The following LRP12 variants were observed in gnomAD, a reference collection of about 807,000 sequenced individuals.
LRP12 encodes LDL receptor related protein 12, also known as low-density lipoprotein receptor-related protein 12.
LRP12 carries 14 observed loss-of-function variants against 66.0 expected under a neutral mutation model. The ratio of observed to expected loss-of-function variants is 0.21; its 90% CI spans 0.14 to 0.33. The LOEUF is 0.33. LRP12 is among the 10% of genes least tolerant of loss of function. LRP12 has a pLI of 1.00. For synonymous variants in LRP12, 357 were observed against 359.1 expected (o/e 0.99, Z 0.07); for missense variants, 889 against 1,053.4 (o/e 0.84, Z 2.16).
intron 2 of LRP12, among the ~76,000 whole-genome samples, chr8:104,510,579 T>A (rs1810977119): frequency 6.6e-6 from 1 of 152,222 alleles, no homozygotes; most frequent in East Asian, 1.9e-4. Flanking sequence ...ACGTGATGTT[T>A]AAGCCTTTAG....
chr8:104,568,351 C>A (rs1306646512), intron 1 of LRP12, among the ~76,000 whole-genome samples: 1 of 152,092 alleles, frequency 6.6e-6, no homozygotes, highest in Non-Finnish European at 1.5e-5. Flanking sequence ...GAGTAAACCC[C>A]TATGACCTTG....
At chr8:104,499,028 C>T (rs1303995218) in intron 4 of LRP12, among the ~76,000 whole-genome samples, 1 of 152,022 alleles carries the variant, frequency 6.6e-6, no homozygotes, top group Non-Finnish European at 1.5e-5. Flanking sequence ...TCTGGATATG[C>T]GTAAGCACTT....
intron 1 of LRP12, among the ~76,000 whole-genome samples, chr8:104,538,114 C>A (rs927808353): frequency 6.6e-6 from 1 of 152,116 alleles, no homozygotes; most frequent in African/African-American, 2.4e-5. Context: ...AAATGGAATA[C>A]GATGATAGGC....
At chr8:104,587,649 A>C (rs187465877) in intron 1 of LRP12, among the ~76,000 whole-genome samples, 52 of 152,340 alleles carry the variant, frequency 3.4e-4, no homozygotes, top group African/African-American at 1.2e-3. Context: ...CAGGTTTCAA[A>C]AGCCACCATC....
At chr8:104,563,459 T>C (rs1811946689) in intron 1 of LRP12, among the ~76,000 whole-genome samples, 1 of 152,122 alleles carries the variant, frequency 6.6e-6, no homozygotes, top group Non-Finnish European at 1.5e-5. Context: ...AATAATGATA[T>C]GTCATTATAT....
rs1398832638 is a variant in LRP12 at position 104,589,055 on chromosome 8, C to T, written c.-158G>A. 1 of 334,990 alleles carries T rather than the reference C, an allele frequency of 3.0e-6. No homozygotes were observed. Among genetic ancestry groups the T allele is most frequent in the Non-Finnish European group, 5.3e-6 (1 of 189,276 alleles). The allele number at this position is 334,990 out of a possible 1,614,324, so 20.8% of individuals were successfully genotyped here. ...GCTGCGGGAGGGGGAAGGGAGGGGC[C>T]GCCGCCGCCCGCGCGCGCTCCCTCC... On this transcript the variant is annotated 5_prime_UTR_variant, in exon 1 of 7. Transcript: ENST00000276654.
At chr8:104,528,924 G>A (rs993183866) in intron 2 of LRP12, among the ~76,000 whole-genome samples, 14 of 152,216 alleles carry the variant, frequency 9.2e-5, no homozygotes, top group African/African-American at 3.1e-4. Flanking sequence ...TTTGTAAGAT[G>A]AGACTTTAGA....
rs759252004 is a variant in LRP12, at chr8:104,491,013, G to A, written c.2240C>T (p.Ser747Leu). Residue 747 changes from serine to leucine, a missense_variant, in exon 7 of 7, where the codon TCA becomes TTA. This residue lies in a region of LRP12 where 800 missense variants were observed against 964.5 expected (regional missense o/e 0.83). Coordinates refer to ENST00000276654, the MANE Select transcript of LRP12 (RefSeq NM_013437.5). ...ACTCTGGTTCTGACTTAGGGAACTT[G>A]ATCGTCCTAATGTAAAACGTACCCA... ...LRWVRFTLGR[S>L]SSLSQNQSPL... 2.5e-6 allele frequency: 4 copies of A among 1,613,982 alleles called. No homozygotes were observed. The African/African-American group carries it at 5.3e-5, about 22-fold the overall frequency.
intron 3 of LRP12, among the ~76,000 whole-genome samples, chr8:104,500,207 T>C (rs2046986672): frequency 6.6e-6 from 1 of 152,114 alleles, no homozygotes; most frequent in African/African-American, 2.4e-5. Flanking sequence ...GAAACCAAAA[T>C]ACAGTTTTAC....
chr8:104,553,486 G>A (rs1811758107), intron 1 of LRP12, among the ~76,000 whole-genome samples: 1 of 152,112 alleles, frequency 6.6e-6, no homozygotes. Flanking sequence ...CCACTTCCCT[G>A]GCGACCTGTA....
intron 1 of LRP12, among the ~76,000 whole-genome samples, chr8:104,555,031 C>T (rs1331806292): frequency 2.0e-5 from 3 of 152,132 alleles, no homozygotes; most frequent in Non-Finnish European, 4.4e-5. Context: ...AACTAAGCTT[C>T]ATAAATGAAA....
intron 3 of LRP12, chr8:104,504,953 G>A (rs1221497731): frequency 1.3e-5 from 2 of 152,210 alleles, no homozygotes; most frequent in Non-Finnish European, 2.9e-5. Context: ...TACAATGGAT[G>A]TTAATCTTCC....
At chr8:104,562,477 C>T (rs1192074962) in intron 1 of LRP12, among the ~76,000 whole-genome samples, 4 of 152,080 alleles carry the variant, frequency 2.6e-5, no homozygotes, top group East Asian at 3.8e-4. Context: ...CATGATATGT[C>T]AAATAATACC....
intron 1 of LRP12, among the ~76,000 whole-genome samples, chr8:104,553,743 T>C (rs745961585): frequency 5.4e-4 from 82 of 152,060 alleles, no homozygotes; most frequent in Non-Finnish European, 9.1e-4. Context: ...CAGGTGACCT[T>C]AGGGCAAGCT....
At chr8:104,570,209 A>G (rs1053407896) in intron 1 of LRP12, among the ~76,000 whole-genome samples, 3 of 152,186 alleles carry the variant, frequency 2.0e-5, no homozygotes, top group African/African-American at 7.2e-5. Context: ...AATTCTTCCT[A>G]AAGTAATCTA....
chr8:104,514,535 C>T (rs1210413359), intron 2 of LRP12, among the ~76,000 whole-genome samples: 9 of 144,522 alleles, frequency 6.2e-5, no homozygotes, highest in African/African-American at 1.0e-4. Flanking sequence ...GGTGAAACCC[C>T]GTCTCTACTT....
chr8:104,536,399 T>A (rs1272751852), intron 1 of LRP12, among the ~76,000 whole-genome samples: 1 of 152,030 alleles, frequency 6.6e-6, no homozygotes, highest in Non-Finnish European at 1.5e-5. Flanking sequence ...TTGTTTTATC[T>A]GTGTAATGCC....
intron 2 of LRP12, among the ~76,000 whole-genome samples, chr8:104,530,098 A>G (rs1411733334): frequency 2.0e-5 from 3 of 152,206 alleles, no homozygotes; most frequent in Non-Finnish European, 4.4e-5. Context: ...TTTTCATAAA[A>G]CCATACTACA....
intron 2 of LRP12, among the ~76,000 whole-genome samples, chr8:104,523,851 T>G (rs932573063): frequency 6.6e-6 from 1 of 152,208 alleles, no homozygotes; most frequent in African/African-American, 2.4e-5. Flanking sequence ...AAATAGATAA[T>G]GTAAACTTAC....
Sources: gnomAD v4.1 joint callset for allele counts (sites outside exome capture counted in the v4.1 genomes callset) on GRCh38, gnomAD v4.1.1 for gene constraint, gnomAD v4.1.1 regional missense constraint, MANE v1.5 for transcripts, NCBI Gene and HGNC (gene_info 2026-07-23, HGNC 2026-07-21) for gene names.